The following ARHGAP6 variants were observed in gnomAD, a reference collection of about 807,000 sequenced individuals.
The protein encoded by ARHGAP6 is rho GTPase-activating protein 6.
ARHGAP6 carries 16 observed loss-of-function variants against 55.7 expected under a neutral mutation model. The ratio of observed to expected loss-of-function variants is 0.29; its 90% confidence interval spans 0.19 to 0.44. The LOEUF (loss-of-function observed/expected upper bound fraction) is 0.44, where lower values mean the gene tolerates loss of function less well. Among genes scored for constraint, ARHGAP6 ranks in the 20% least tolerant of loss-of-function variants. ARHGAP6 has a pLI of 1.00. For synonymous variants in ARHGAP6, 382 were observed against 360.9 expected (o/e 1.06, Z -0.66); for missense variants, 698 against 808.9 (o/e 0.86, Z 1.66).
intron 1 of ARHGAP6, among the ~76,000 whole-genome samples, chrX:11,350,325 C>T (rs2048846889): frequency 8.9e-6 from 1 of 112,305 alleles, no homozygotes; most frequent in Non-Finnish European, 1.9e-5. Context: ...TATAATTCTA[C>T]ATTCATAACC....
At position 11,499,633 on chromosome X, in the gene ARHGAP6, G is replaced by A. The variant is rs186588442; in HGVS notation, c.588+164608C>T. ...TCCAACTTTTAGGTGTTTATATAACGACTGTTTTCTCACATCTTTTTGCTA... is the reference window on the plus strand; with the variant it reads ...TCCAACTTTTAGGTGTTTATATAACAACTGTTTTCTCACATCTTTTTGCTA... On this transcript the variant is annotated intron_variant, in intron 1 of 12. Coordinates refer to ENST00000337414, the MANE Select transcript of ARHGAP6 (RefSeq NM_013427.3). Among the ~76,000 whole-genome samples, 5 of 111,960 alleles carry A rather than the reference G, an allele frequency of 4.5e-5. No homozygotes were observed. The East Asian group carries it at 1.4e-3, about 31-fold the overall frequency.
chrX:11,359,163 A>C (rs2048976479), intron 1 of ARHGAP6, among the ~76,000 whole-genome samples: 1 of 112,077 alleles, frequency 8.9e-6, no homozygotes. Context: ...CCTTGTGTGA[A>C]TGTCAAGTCC....
At chrX:11,572,186 T>C (rs1374921532) in intron 1 of ARHGAP6, among the ~76,000 whole-genome samples, 8 of 111,391 alleles carry the variant, frequency 7.2e-5, no homozygotes, top group Admixed American at 4.8e-4. Context: ...TTTTTTTATT[T>C]TTTATTTTAT....
chrX:11,415,612 C>T (rs1319793168), intron 1 of ARHGAP6, among the ~76,000 whole-genome samples: 1 of 112,088 alleles, frequency 8.9e-6, no homozygotes, highest in Non-Finnish European at 1.9e-5. Flanking sequence ...GGAAGGAGTG[C>T]ATTTCCCCAC....
chrX:11,623,109 G>A (rs1405534213), intron 1 of ARHGAP6, among the ~76,000 whole-genome samples: 1 of 111,201 alleles, frequency 9.0e-6, no homozygotes, highest in African/African-American at 3.3e-5. Context: ...AATTGGAAAG[G>A]AATAAGTCAA....
intron 10 of ARHGAP6, among the ~76,000 whole-genome samples, chrX:11,147,544 A>C (rs1313257614): frequency 8.9e-6 from 1 of 112,277 alleles, no homozygotes; most frequent in East Asian, 2.8e-4. Context: ...CCTTCATTAC[A>C]CACCTGTGCT....
At position 11,664,400 on chromosome X, in the gene ARHGAP6, C is replaced by G; in HGVS notation, c.429G>C (p.Leu143=). The G allele has an allele frequency of 8.3e-7, 1 of 1,211,815 alleles. No individual in the cohort carries two copies. ...KSMAWDLPSV[L]AGPASSRSAS... ...CGCTTCGGCTACTGGCTGGCCCGGCCAGGACAGAAGGCAGGTCCCAGGCCA... is the reference window on the plus strand; with the variant it reads ...CGCTTCGGCTACTGGCTGGCCCGGCGAGGACAGAAGGCAGGTCCCAGGCCA... The change falls in exon 1 of 13, where the codon CTG becomes CTC. Residue 143 remains leucine, a synonymous_variant. Transcript: ENST00000337414.
chrX:11,515,458 T>C (rs1168536426), intron 1 of ARHGAP6, among the ~76,000 whole-genome samples: 2 of 111,703 alleles, frequency 1.8e-5, no homozygotes, highest in Non-Finnish European at 3.8e-5. Flanking sequence ...GTAGCAGCTA[T>C]ACATTATATA....
intron 1 of ARHGAP6, among the ~76,000 whole-genome samples, chrX:11,452,111 T>A (rs1488475570): frequency 8.9e-6 from 1 of 112,450 alleles, no homozygotes; most frequent in Non-Finnish European, 1.9e-5. Flanking sequence ...TAGATGTCTA[T>A]TATGGACTAG....
intron 1 of ARHGAP6, among the ~76,000 whole-genome samples, chrX:11,594,578 T>C (rs1376534513): frequency 1.8e-5 from 2 of 110,480 alleles, no homozygotes; most frequent in Non-Finnish European, 3.8e-5. Flanking sequence ...TTCTATCAGA[T>C]CAGTGGCATT....
chrX:11,198,779 TTCTG>T (rs1219830280), intron 2 of ARHGAP6, among the ~76,000 whole-genome samples: 8 of 112,295 alleles, frequency 7.1e-5, no homozygotes, highest in Admixed American at 1.9e-4. Context: ...AATACAAATG[TTCTG>T]TCTAAGTAAT....
At position 11,246,509 on chromosome X, in the gene ARHGAP6, C is replaced by T. The variant is rs199673895; in HGVS notation, c.748+8039G>A. 7.2e-5 allele frequency among the ~76,000 whole-genome samples: 8 copies of T among 111,708 alleles called. No homozygotes were observed. The East Asian group carries it at 1.1e-3, about 16-fold the overall frequency. On this transcript the variant is annotated intron_variant, in intron 2 of 12. Coordinates refer to ENST00000337414, the MANE Select transcript of ARHGAP6 (RefSeq NM_013427.3). ...CTTATTATTAAATAATATGCCTGCA[C>T]GCATCCATTCACATCTCAAAGATTT...
At chrX:11,198,695 A>G (rs924318803) in intron 2 of ARHGAP6, among the ~76,000 whole-genome samples, 20 of 112,673 alleles carry the variant, frequency 1.8e-4, no homozygotes, top group East Asian at 2.8e-4. Context: ...CATACCAGAT[A>G]GAGGACATTA....
intron 12 of ARHGAP6, among the ~76,000 whole-genome samples, chrX:11,140,168 T>C (rs1256139410): frequency 2.8e-5 from 3 of 105,725 alleles, no homozygotes; most frequent in Non-Finnish European, 3.9e-5. Flanking sequence ...AGATGTGATG[T>C]AAGCCATTTC....
intron 1 of ARHGAP6, among the ~76,000 whole-genome samples, chrX:11,425,232 C>T (rs769548128): frequency 5.4e-5 from 6 of 111,187 alleles, no homozygotes; most frequent in African/African-American, 2.0e-4. Context: ...GGAAGACAGA[C>T]CCAAAAAAAA....
chrX:11,251,605 T>C (rs760019359), intron 2 of ARHGAP6, among the ~76,000 whole-genome samples: 4 of 112,516 alleles, frequency 3.6e-5, no homozygotes, highest in Non-Finnish European at 7.5e-5. Flanking sequence ...AGCTTGACTA[T>C]GTGTCCATTT....
chrX:11,481,262 G>A (rs186907920), intron 1 of ARHGAP6, among the ~76,000 whole-genome samples: 5 of 111,668 alleles, frequency 4.5e-5, no homozygotes, highest in African/African-American at 1.6e-4. Context: ...TCAATGATTC[G>A]ATTCCCATGA....
At chrX:11,562,745 A>G (rs192081551) in intron 1 of ARHGAP6, among the ~76,000 whole-genome samples, 1 of 111,658 alleles carries the variant, frequency 9.0e-6, no homozygotes, top group East Asian at 2.8e-4. Context: ...TGCCACTCCA[A>G]CACTAACAGT....
At chrX:11,663,310 G>A (rs2052720677) in intron 1 of ARHGAP6, among the ~76,000 whole-genome samples, 1 of 111,848 alleles carries the variant, frequency 8.9e-6, no homozygotes, top group African/African-American at 3.3e-5. Flanking sequence ...AATGCTAACT[G>A]TACTTTAAAA....
Sources: allele counts gnomAD v4.1 joint callset (sites outside exome capture counted in the v4.1 genomes callset), GRCh38; gene constraint gnomAD v4.1.1; transcripts MANE v1.5; gene names NCBI Gene and HGNC (gene_info 2026-07-23, HGNC 2026-07-21).